The following ARFGEF1 variants were observed in gnomAD, a reference collection of about 807,000 sequenced individuals.
ARFGEF1 encodes the protein ARF guanine nucleotide exchange factor 1.
ARFGEF1 carries 42 observed loss-of-function variants against 231.0 expected under a neutral mutation model. The ratio of observed to expected loss-of-function variants is 0.18; its 90% confidence interval spans 0.14 to 0.24. ARFGEF1 has a LOEUF of 0.24. ARFGEF1 is among the 10% of genes least tolerant of loss of function. The probability of loss-of-function intolerance (pLI) is 1.00; values close to 1 mark genes in which losing one functional copy is unlikely to be tolerated. For missense variants in ARFGEF1, 1,345 were observed against 2,192.0 expected, an observed-to-expected ratio of 0.61 and a Z score of 7.72; for synonymous variants, 710 against 732.3, an observed-to-expected ratio of 0.97 and a Z score of 0.49.
chr8:67,274,821 T>C (rs1343981722), intron 9 of ARFGEF1, among the ~76,000 whole-genome samples: 1 of 152,146 alleles, frequency 6.6e-6, no homozygotes, highest in African/African-American at 2.4e-5. Flanking sequence ...TAGGTCTTCA[T>C]TGATTCAGAA....
chr8:67,205,788 G>A (rs1838489773), intron 34 of ARFGEF1, among the ~76,000 whole-genome samples: 1 of 151,942 alleles, frequency 6.6e-6, no homozygotes, highest in Admixed American at 6.6e-5. Context: ...AACCCAGGAG[G>A]CAGAGGTTAC....
chr8:67,259,547 G>A (rs751365617), intron 15 of ARFGEF1, among the ~76,000 whole-genome samples: 7 of 152,042 alleles, frequency 4.6e-5, no homozygotes, highest in Non-Finnish European at 1.0e-4. Flanking sequence ...TATTCTTTAC[G>A]TTTTACTTAC....
downstream of ARFGEF1, among the ~76,000 whole-genome samples, chr8:67,193,988 C>G (rs1374843696): frequency 6.6e-6 from 1 of 152,206 alleles, no homozygotes; most frequent in East Asian, 1.9e-4. Context: ...ATTTGCAGTA[C>G]TACAAAGAAA....
At chr8:67,274,610 C>A (rs1805236681) in intron 9 of ARFGEF1, among the ~76,000 whole-genome samples, 1 of 152,032 alleles carries the variant, frequency 6.6e-6, no homozygotes, top group African/African-American at 2.4e-5. Flanking sequence ...CCTCAAAATT[C>A]ATATTATTTT....
intron 18 of ARFGEF1, among the ~76,000 whole-genome samples, chr8:67,253,159 T>C (rs1360001753): frequency 6.6e-6 from 1 of 152,234 alleles, no homozygotes; most frequent in African/African-American, 2.4e-5. Flanking sequence ...TATTATAATA[T>C]TTCTCATCAA....
chr8:67,267,504 T>C, intron 10 of ARFGEF1, 62 bp from the exon 11 acceptor site: 1 of 1,105,736 alleles, frequency 9.0e-7, no homozygotes. Context: ...GTGATCACTT[T>C]TTAAACATCC....
At position 67,274,723 on chromosome 8, in the gene ARFGEF1, T is replaced by C. The variant is rs578152687; in HGVS notation, c.1337+1253A>G. On this transcript the variant is annotated intron_variant, in intron 9 of 38. Coordinates refer to ENST00000262215, the MANE Select transcript of ARFGEF1 (RefSeq NM_006421.5). Reference sequence around the variant, plus strand: ...TTTACATTTGATTTGGAAAAAAGCATCTGAGGCTTTAATGGTCAATAACAT... The same window carrying C: ...TTTACATTTGATTTGGAAAAAAGCACCTGAGGCTTTAATGGTCAATAACAT... 5.3e-5 allele frequency among the ~76,000 whole-genome samples: 8 copies of C among 152,276 alleles called. No homozygotes were observed. The South Asian group carries it at 1.4e-3, about 28-fold the overall frequency.
At chr8:67,301,418 A>G (rs543737122) in intron 2 of ARFGEF1, 38 bp from the exon 3 acceptor site, 1 of 1,561,466 alleles carries the variant, frequency 6.4e-7, no homozygotes, top group African/African-American at 1.4e-5. Flanking sequence ...AGCGTATCAC[A>G]TTTATAATAT....
At chr8:67,303,955 G>A (rs892395116) in intron 1 of ARFGEF1, among the ~76,000 whole-genome samples, 1 of 152,168 alleles carries the variant, frequency 6.6e-6, no homozygotes, top group African/African-American at 2.4e-5. Context: ...AATTGAGGAA[G>A]AGAGGTTGAA....
In ARFGEF1 at chr8:67,291,914, T is replaced by C; in HGVS notation, c.849A>G (p.Glu283=). 6.2e-7 allele frequency: 1 copy of C among 1,614,004 alleles called. No individual in the cohort carries two copies. Among genetic ancestry groups the C allele is most frequent in the South Asian group, 1.1e-5 (1 of 91,080 alleles). The stretch of plus-strand genomic sequence containing the variant: ...CTGCACTGGAAATATCAGATCCATT[T>C]TCAGGCTCTGTGTCATCCTGAAGAC... ...DKSLQDDTEP[E]NGSDISSAEN... Residue 283 remains glutamate (E), a synonymous_variant, in exon 6 of 39, where the codon GAA becomes GAG. Coordinates refer to ENST00000262215, the MANE Select transcript of ARFGEF1 (RefSeq NM_006421.5).
downstream of ARFGEF1, chr8:67,195,643 T>TA (rs1256749857): frequency 4.0e-6 from 6 of 1,507,746 alleles, no homozygotes; most frequent in Non-Finnish European, 5.5e-6. Flanking sequence ...AAAGGAATGG[T>TA]AAATCTGTAC....
intron 4 of ARFGEF1, among the ~76,000 whole-genome samples, chr8:67,297,658 A>C (rs1806294299): frequency 6.6e-6 from 1 of 152,230 alleles, no homozygotes; most frequent in South Asian, 2.1e-4. Context: ...ATATTGGGTT[A>C]CTTCCAATTT....
Position 67,197,775 on chromosome 8 carries a change from C to CT in ARFGEF1, c.*1158dup. ...TGTACAGAATTTTTTACATAGAAAA[C>CT]TTTACATCTGTACCATATACATTTT... On this transcript the variant is annotated 3_prime_UTR_variant, in exon 39 of 39. Transcript: ENST00000262215. The CT allele has an allele frequency of 1.0e-6, 1 of 985,780 alleles. No individual in the cohort carries two copies. The highest frequency in any genetic ancestry group is 1.2e-6 in the Non-Finnish European group (1 of 829,906). 61.1% of individuals were successfully genotyped at this position (985,780 alleles called of 1,614,324 possible).
At chr8:67,310,968 G>GGGCGTCAGCTCCCC (rs574813309) in intron 1 of ARFGEF1, among the ~76,000 whole-genome samples, 1 of 145,342 alleles carries the variant, frequency 6.9e-6, no homozygotes, top group South Asian at 2.2e-4. Context: ...AGGGAGGTGG[G>GGGCGTCAGCTCCCC]GCCCGGGAGG....
chr8:67,333,073 G>C (rs1393535411), intron 1 of ARFGEF1, among the ~76,000 whole-genome samples: 1 of 139,440 alleles, frequency 7.2e-6, no homozygotes, highest in African/African-American at 2.8e-5. Context: ...GTCTCACTCT[G>C]TTGCCAGGCA....
chr8:67,266,922 T>C lies in ARFGEF1; in HGVS notation c.1875A>G (p.Glu625=), dbSNP rs146347453. 4.3e-6 allele frequency: 7 copies of C among 1,613,486 alleles called. No homozygotes were observed. In the African/African-American group the frequency reaches 9.3e-5, roughly 22 times the overall value. Reference sequence around the variant, plus strand: ...GATTCACATACTGATCCTTACTCCATTCAACCATACACTTCAAAATCGACA... The same window carrying C: ...GATTCACATACTGATCCTTACTCCACTCAACCATACACTTCAAAATCGACA... ...CLVSILKCMV[E]WSKDQYVNPN... Residue 625 remains glutamate (E), a synonymous_variant, in exon 13 of 39, where the codon GAA becomes GAG. Transcript: ENST00000262215.
In ARFGEF1 at chr8:67,275,967, A is replaced by G; in HGVS notation, c.1337+9T>C. The G allele has an allele frequency of 1.2e-6, 2 of 1,612,926 alleles. No individual in the cohort carries two copies. Among genetic ancestry groups the G allele is most frequent in the Non-Finnish European group, 1.7e-6 (2 of 1,179,224 alleles). ...CTCTATTTGTCAGGCAAAACAGTTAATAACTTACTTTGGATCTGGTGGTCC... is the reference window on the plus strand; with the variant it reads ...CTCTATTTGTCAGGCAAAACAGTTAGTAACTTACTTTGGATCTGGTGGTCC... On this transcript the variant is annotated intron_variant, in intron 9 of 38. Transcript: ENST00000262215.
In ARFGEF1 at chr8:67,296,610, CCTTT is replaced by C; in HGVS notation, c.460-4_460-1del. The C allele has an allele frequency of 6.4e-7, 1 of 1,564,836 alleles. No individual in the cohort carries two copies. The highest frequency in any genetic ancestry group is 2.1e-5 in the Admixed American group (1 of 47,766). On this transcript the variant is annotated splice_acceptor_variant and splice_polypyrimidine_tract_variant and intron_variant, in intron 4 of 38. Transcript: ENST00000262215. LOFTEE classifies it high-confidence loss of function. ...TGTGATGTTACTGCAGTAAGTAAAG[CCTTT>C]AAGAAAAAAAAAGGAAAAAGTTAAA...
At chr8:67,305,938 T>C (rs1369767066) in intron 1 of ARFGEF1, among the ~76,000 whole-genome samples, 1 of 152,206 alleles carries the variant, frequency 6.6e-6, no homozygotes, top group Admixed American at 6.5e-5. Flanking sequence ...ATGGCCGTAA[T>C]TTTCAGTTTG....
Sources: allele counts gnomAD v4.1 joint callset (sites outside exome capture counted in the v4.1 genomes callset), GRCh38; gene constraint gnomAD v4.1.1; transcripts MANE v1.5; gene names NCBI Gene and HGNC (gene_info 2026-07-23, HGNC 2026-07-21).